Variants in MOSPD1 observed in about 807,000 individuals in gnomAD.
The protein encoded by MOSPD1 is motile sperm domain containing 1.
MOSPD1 carries 5 observed loss-of-function variants against 16.7 expected under a neutral mutation model. The ratio of observed to expected loss-of-function variants is 0.30; its 90% CI spans 0.16 to 0.63. The LOEUF (loss-of-function observed/expected upper bound fraction) is 0.63, where lower values mean the gene tolerates loss of function less well. Among genes scored for constraint, MOSPD1 ranks in the 30% least tolerant of loss-of-function variants. The pLI is 0.82. For missense variants in MOSPD1, 104 were observed against 153.6 expected (o/e 0.68, Z 1.71); for synonymous variants, 67 against 59.2 (o/e 1.13, Z -0.61).
At chrX:134,898,501 G>C (rs775640210) in intron 3 of MOSPD1, among the ~76,000 whole-genome samples, 2 of 111,554 alleles carry the variant, frequency 1.8e-5, no homozygotes, top group African/African-American at 3.3e-5. Flanking sequence ...GGATCCATCT[G>C]GTCACCACTA....
At chrX:134,914,992 A>T (rs1027476445) in intron 1 of MOSPD1, among the ~76,000 whole-genome samples, 190 bp downstream of exon 1, 2 of 112,688 alleles carry the variant, frequency 1.8e-5, no homozygotes, top group African/African-American at 6.4e-5. Context: ...ACGGGACAGG[A>T]AAGGATCCCC....
At position 134,888,350 on chromosome X, in the gene MOSPD1, G is replaced by A. The variant is rs896825516; in HGVS notation, c.*811C>T. On this transcript the variant is annotated 3_prime_UTR_variant, in exon 6 of 6. Transcript: ENST00000370783. ...TATCTGGTAATCCCAGTCTGGGTAAGTCAGGCAGGGAGGGGCTTGGAAGAA... is the reference window on the plus strand; with the variant it reads ...TATCTGGTAATCCCAGTCTGGGTAAATCAGGCAGGGAGGGGCTTGGAAGAA... 1 of 111,902 alleles carries A rather than the reference G, an allele frequency of 8.9e-6. No homozygotes were observed. The highest frequency in any genetic ancestry group is 1.9e-5 in the Non-Finnish European group (1 of 53,103). The allele number at this position is 111,902 out of a possible 1,213,427, so 9.2% of individuals were successfully genotyped here. A position where few individuals can be genotyped will look rare whatever the true frequency, so the allele number is the denominator to read the frequency against.
At chrX:134,894,828 C>G (rs1319458475) in intron 4 of MOSPD1, among the ~76,000 whole-genome samples, 1 of 111,859 alleles carries the variant, frequency 8.9e-6, no homozygotes, top group African/African-American at 3.2e-5. Context: ...TTTACAAGTT[C>G]ATTATGTAAC....
intron 1 of MOSPD1, among the ~76,000 whole-genome samples, chrX:134,903,901 AG>A (rs1440908916): frequency 9.4e-6 from 1 of 106,718 alleles, no homozygotes; most frequent in East Asian, 3.0e-4. Context: ...AGCCAGGCAT[AG>A]TGGCGTGCGC....
chrX:134,896,624 CCTCCT>C (rs1700254464), intron 4 of MOSPD1, among the ~76,000 whole-genome samples, 188 bp downstream of exon 4: 1 of 111,579 alleles, frequency 9.0e-6, no homozygotes, highest in African/African-American at 3.3e-5. Context: ...AGGGGTATTC[CCTCCT>C]CTCAAAGTCC....
intron 1 of MOSPD1, among the ~76,000 whole-genome samples, chrX:134,904,526 T>G (rs1043387335): frequency 8.9e-6 from 1 of 111,800 alleles, no homozygotes; most frequent in Non-Finnish European, 1.9e-5. Context: ...GGAACAGAAC[T>G]TGGCACCCAG....
At chrX:134,901,414 C>T (rs753687146) in intron 1 of MOSPD1, among the ~76,000 whole-genome samples, 27 of 109,721 alleles carry the variant, frequency 2.5e-4, no homozygotes, top group African/African-American at 8.3e-4. Context: ...TTTGCGAGGC[C>T]GAAGCGGGCG....
intron 4 of MOSPD1, among the ~76,000 whole-genome samples, chrX:134,894,247 A>C (rs960870467): frequency 1.8e-5 from 2 of 111,944 alleles, no homozygotes; most frequent in African/African-American, 3.2e-5. Flanking sequence ...TATACAATAA[A>C]CTTAAATTTT....
intron 3 of MOSPD1, chrX:134,898,880 A>G: frequency 2.7e-6 from 1 of 377,202 alleles, no homozygotes. Context: ...AGATACTAAC[A>G]TATACATGAG....
At chrX:134,904,168 G>A (rs375371878) in intron 1 of MOSPD1, among the ~76,000 whole-genome samples, 2 of 112,667 alleles carry the variant, frequency 1.8e-5, no homozygotes, top group South Asian at 3.6e-4. Flanking sequence ...AAGGGACATA[G>A]AAATTGTCCT....
intron 1 of MOSPD1, 62 bp downstream of exon 1, chrX:134,915,120 G>C (rs1170097903): frequency 8.8e-6 from 1 of 113,150 alleles, no homozygotes; most frequent in Non-Finnish European, 1.9e-5. Flanking sequence ...TCTCAGCCAC[G>C]TAACTTCCAC....
intron 1 of MOSPD1, among the ~76,000 whole-genome samples, chrX:134,913,144 G>C (rs933526615): frequency 9.0e-6 from 1 of 110,657 alleles, no homozygotes; most frequent in Non-Finnish European, 1.9e-5. Flanking sequence ...GAGACCGAGG[G>C]GGGGCAGATC....
At chrX:134,911,094 C>T (rs1279099932) in intron 1 of MOSPD1, among the ~76,000 whole-genome samples, 3 of 111,886 alleles carry the variant, frequency 2.7e-5, no homozygotes, top group Non-Finnish European at 5.6e-5. Context: ...GAACTCCTGG[C>T]CTCAAGCAAC....
intron 5 of MOSPD1, 124 bp downstream of exon 5, chrX:134,891,355 A>G (rs1368121957): frequency 1.1e-5 from 7 of 658,375 alleles, no homozygotes; most frequent in Non-Finnish European, 1.6e-5. Context: ...CCTGACCTCA[A>G]TATGCTCTTG....
chrX:134,889,459 C>T (rs2082850641), intron 5 of MOSPD1, among the ~76,000 whole-genome samples: 1 of 111,875 alleles, frequency 8.9e-6, no homozygotes, highest in Non-Finnish European at 1.9e-5. Context: ...CCTACTTTAT[C>T]CAGTCACATC....
At chrX:134,890,180 C>T (rs2082855737) in intron 5 of MOSPD1, among the ~76,000 whole-genome samples, 1 of 110,032 alleles carries the variant, frequency 9.1e-6, no homozygotes, top group African/African-American at 3.3e-5. Flanking sequence ...GAGAACCGGG[C>T]CGCTAGAGGA....
intron 1 of MOSPD1, among the ~76,000 whole-genome samples, chrX:134,900,770 G>GA (rs1232271635): frequency 9.3e-6 from 1 of 107,368 alleles, no homozygotes. Context: ...GTCTCCCTAT[G>GA]TTGCCCTGGT....
chrX:134,897,385 C>T (rs12392324), intron 3 of MOSPD1, among the ~76,000 whole-genome samples: 1 of 107,180 alleles, frequency 9.3e-6, no homozygotes, highest in African/African-American at 3.4e-5. Context: ...ACACAGAGAC[C>T]CCGTCTCTAC....
In MOSPD1 at chrX:134,913,961, A is replaced by T. The variant is rs1002994885; in HGVS notation, c.-102+1221T>A. On this transcript the variant is annotated intron_variant, in intron 1 of 5. Coordinates refer to ENST00000370783, the MANE Select transcript of MOSPD1 (RefSeq NM_019556.3). ...AAGTGTAATCTAAAAGTTGGTATCC[A>T]CTCCATATTCAATATCCTGTATATA... 9.0e-5 allele frequency among the ~76,000 whole-genome samples: 10 copies of T among 111,552 alleles called. No homozygotes were observed. The South Asian group carries it at 3.8e-3, about 42-fold the overall frequency.
Sources: gnomAD v4.1 joint callset for allele counts (sites outside exome capture counted in the v4.1 genomes callset) on GRCh38, gnomAD v4.1.1 for gene constraint, MANE v1.5 for transcripts, NCBI Gene and HGNC (gene_info 2026-07-23, HGNC 2026-07-21) for gene names.